Variants in QTMAN observed in about 807,000 individuals in gnomAD.
The protein encoded by QTMAN is queuosine-tRNA mannosyltransferase, also known as tRNA-queuosine alpha-mannosyltransferase.
chr2:144,133,181 TAATATAA>T, the QTMAN span, among the ~76,000 whole-genome samples: 5 of 47,046 alleles, frequency 1.1e-4, no homozygotes, highest in African/African-American at 4.4e-4. Flanking sequence ...TAAATATATA[TAATATAA>T]ATTTATATAT....
the QTMAN span, among the ~76,000 whole-genome samples, chr2:143,974,435 G>T: frequency 6.6e-6 from 1 of 152,134 alleles, no homozygotes; most frequent in Non-Finnish European, 1.5e-5. Context: ...ATCTGTAAAT[G>T]ACCTAATGGA....
the QTMAN span, among the ~76,000 whole-genome samples, chr2:144,087,884 A>G: frequency 3.3e-5 from 5 of 152,090 alleles, no homozygotes; most frequent in Non-Finnish European, 5.9e-5. Context: ...TTCCTTTAAT[A>G]ACTGGAACAA....
At chr2:144,200,983 CCA>C in the QTMAN span, among the ~76,000 whole-genome samples, 1 of 152,106 alleles carries the variant, frequency 6.6e-6, no homozygotes, top group Admixed American at 6.5e-5. Context: ...ATTCCTTCGA[CCA>C]CATTTTCTAA....
the QTMAN span, among the ~76,000 whole-genome samples, chr2:144,327,974 T>C: frequency 2.6e-4 from 39 of 152,274 alleles, no homozygotes; most frequent in African/African-American, 9.4e-4. Flanking sequence ...ATTTTGGAGA[T>C]GGAGTCCCAC....
chr2:144,041,426 A>C, the QTMAN span, among the ~76,000 whole-genome samples: 1 of 152,254 alleles, frequency 6.6e-6, no homozygotes, highest in Non-Finnish European at 1.5e-5. Flanking sequence ...ATACCCAGTG[A>C]ATATCTGTCA....
the QTMAN span, among the ~76,000 whole-genome samples, chr2:144,290,790 A>T: frequency 6.6e-6 from 1 of 152,132 alleles, no homozygotes; most frequent in Non-Finnish European, 1.5e-5. Context: ...TCTGCTTCTT[A>T]GTGAGGCCTT....
the QTMAN span, among the ~76,000 whole-genome samples, chr2:144,119,284 A>G: frequency 6.6e-6 from 1 of 152,226 alleles, no homozygotes; most frequent in Non-Finnish European, 1.5e-5. Context: ...TGCACTAACC[A>G]TGTGCACAAA....
At chr2:144,073,462 G>A in the QTMAN span, among the ~76,000 whole-genome samples, 1 of 151,954 alleles carries the variant, frequency 6.6e-6, no homozygotes, top group East Asian at 1.9e-4. Context: ...TATTCATTAT[G>A]TCCTTTTGAA....
At chr2:144,145,044 A>T in the QTMAN span, among the ~76,000 whole-genome samples, 4 of 151,312 alleles carry the variant, frequency 2.6e-5, no homozygotes, top group Non-Finnish European at 5.9e-5. Context: ...AGAAGACTCA[A>T]CGAAGGAAAA....
the QTMAN span, among the ~76,000 whole-genome samples, chr2:144,083,010 G>C: frequency 2.1e-4 from 32 of 152,106 alleles, 1 homozygote; most frequent in Non-Finnish European, 2.5e-4. Context: ...AAGGTGGGAA[G>C]TTCTCACTCT....
At chr2:144,166,654 C>A in the QTMAN span, among the ~76,000 whole-genome samples, 3 of 152,136 alleles carry the variant, frequency 2.0e-5, no homozygotes, top group African/African-American at 7.2e-5. Context: ...GTAAAATATA[C>A]CCCACATTAT....
At chr2:144,237,035 G>C in the QTMAN span, among the ~76,000 whole-genome samples, 2 of 151,974 alleles carry the variant, frequency 1.3e-5, no homozygotes, top group Non-Finnish European at 2.9e-5. Context: ...TCACCTTCTG[G>C]GCATTTACCA....
At chr2:144,254,066 G>A in the QTMAN span, among the ~76,000 whole-genome samples, 1 of 152,352 alleles carries the variant, frequency 6.6e-6, no homozygotes, top group Admixed American at 6.5e-5. Flanking sequence ...TTCACAGGGT[G>A]CAAGCCCCAG....
At chr2:143,985,686 T>C in the QTMAN span, among the ~76,000 whole-genome samples, 10 of 152,310 alleles carry the variant, frequency 6.6e-5, no homozygotes, top group African/African-American at 2.4e-4. Context: ...TTCAGTATCA[T>C]GTGTATATTA....
the QTMAN span, among the ~76,000 whole-genome samples, chr2:144,175,437 A>T: frequency 6.6e-6 from 1 of 152,130 alleles, no homozygotes; most frequent in East Asian, 1.9e-4. Flanking sequence ...TAGAGAATCT[A>T]AAACAGTAGA....
chr2:144,007,141 C>A, the QTMAN span: 1 of 1,115,246 alleles, frequency 9.0e-7, no homozygotes, highest in Non-Finnish European at 1.3e-6. Flanking sequence ...TTTCTTTTAC[C>A]AGTTCTACAA....
chr2:144,108,337 A>G, the QTMAN span, among the ~76,000 whole-genome samples: 2 of 152,138 alleles, frequency 1.3e-5, no homozygotes, highest in Admixed American at 6.5e-5. Context: ...AGATGACATG[A>G]TTGTATATTT....
chr2:144,010,411 T>C, the QTMAN span, among the ~76,000 whole-genome samples: 3 of 152,146 alleles, frequency 2.0e-5, no homozygotes, highest in African/African-American at 7.2e-5. Context: ...AGAATATAAA[T>C]AGGGGCAGCA....
At chr2:144,263,634 G>A in the QTMAN span, among the ~76,000 whole-genome samples, 2 of 152,190 alleles carry the variant, frequency 1.3e-5, no homozygotes, top group African/African-American at 2.4e-5. Flanking sequence ...TGAGGCAGGA[G>A]AATTGTTTGA....
Sources: allele counts gnomAD v4.1 joint callset (sites outside exome capture counted in the v4.1 genomes callset), GRCh38; gene constraint gnomAD v4.1.1; transcripts MANE v1.5; gene names NCBI Gene and HGNC (gene_info 2026-07-23, HGNC 2026-07-21).